The following CD58 variants were observed in gnomAD, a reference collection of about 807,000 sequenced individuals.
CD58 encodes CD58 molecule, also known as lymphocyte function-associated antigen 3.
CD58 carries 14 observed loss-of-function variants against 27.6 expected under a neutral mutation model. That is an observed-to-expected ratio of 0.51 (90% CI 0.34 to 0.79). The LOEUF (loss-of-function observed/expected upper bound fraction) is 0.79. Ranked by LOEUF, CD58 falls within the 30% of genes least tolerant of loss-of-function variation. CD58 has a pLI of 0.02. For synonymous variants in CD58, 117 were observed against 103.8 expected (o/e 1.13, Z -0.77); for missense variants, 268 against 301.7 (o/e 0.89, Z 0.83).
chr1:116,562,413 G>C (rs532828725), intron 1 of CD58, among the ~76,000 whole-genome samples: 1 of 152,236 alleles, frequency 6.6e-6, no homozygotes, highest in African/African-American at 2.4e-5. Context: ...CAAATTCCCA[G>C]ACTCAAGCAA....
rs981188921 is a variant in CD58 at position 116,517,054 on chromosome 1, C to T, written c.743+2177G>A. 1.7e-4 allele frequency among the ~76,000 whole-genome samples: 26 copies of T among 152,086 alleles called. No individual in the cohort carries two copies. The highest frequency in any genetic ancestry group is 6.0e-4 in the African/African-American group (25 of 41,406). ...TTCCAGAATGCCCATCCCCTTTCCC[C>T]GTGGCCCTGGATGATGCCCCCCTAC... On this transcript the variant is annotated intron_variant, in intron 5 of 5. Transcript: ENST00000369489. This position sits in a 1 kb window ranked among gnomAD's most constrained non-coding sequence, Gnocchi z 6.5.
chr1:116,530,927 G>T (rs542146282), intron 3 of CD58, among the ~76,000 whole-genome samples: 1 of 152,288 alleles, frequency 6.6e-6, no homozygotes, highest in East Asian at 1.9e-4. Context: ...ATATGTCTCA[G>T]ATGTCAACAC....
At position 116,516,663 on chromosome 1, in the gene CD58, C is replaced by T. The variant is rs1340415038; in HGVS notation, c.744-1841G>A. Among the ~76,000 whole-genome samples the T allele has an allele frequency of 6.6e-6, 1 of 152,204 alleles. No homozygotes were observed. The highest frequency in any genetic ancestry group is 1.5e-5 in the Non-Finnish European group (1 of 68,044). ...CACCTGGAATGCCTTTTCTACTCCA[C>T]TCTTGTTCTGAAAATGTAGGTCACA... is the stretch of plus-strand genomic sequence containing the variant. On this transcript the variant is annotated intron_variant, in intron 5 of 5. Coordinates refer to ENST00000369489, the MANE Select transcript of CD58 (RefSeq NM_001779.3). This position sits in a 1 kb window ranked among gnomAD's most constrained non-coding sequence, Gnocchi z 6.1.
chr1:116,559,950 T>C lies in CD58; in HGVS notation c.70+10953A>G, dbSNP rs1317415017. 4 of 153,998 alleles carry C rather than the reference T, an allele frequency of 2.6e-5. No homozygotes were observed. The highest frequency in any genetic ancestry group is 5.9e-5 in the Non-Finnish European group (4 of 68,010). 9.5% of individuals were successfully genotyped at this position (153,998 alleles called of 1,614,324 possible). On this transcript the variant is annotated intron_variant, in intron 1 of 5. Transcript: ENST00000369489. This position sits in a 1 kb window ranked among gnomAD's most constrained non-coding sequence, Gnocchi z 4.4. ...ATGGAGATGTGTTCTGAGTATCAAA[T>C]ACACACCAGAATCTGAAGACCTGGT...
intron 1 of CD58, among the ~76,000 whole-genome samples, chr1:116,548,807 C>T (rs1658284250): frequency 1.3e-5 from 2 of 152,296 alleles, no homozygotes; most frequent in East Asian, 1.9e-4. Flanking sequence ...AGTGACAAGA[C>T]ACCAAGAAAA....
rs1489371363 is a variant in CD58 at position 116,519,661 on chromosome 1, ATT to A, written c.707-396_707-395del. 6.6e-6 allele frequency among the ~76,000 whole-genome samples: 1 copy of A among 152,248 alleles called. No individual in the cohort carries two copies. The highest frequency in any genetic ancestry group is 1.5e-5 in the Non-Finnish European group (1 of 68,040). ...AGTAAAAAAAAATGTAAATTTTAAT[ATT>A]TTATTTAACACAATGTGTCACAAAT... On this transcript the variant is annotated intron_variant, in intron 4 of 5. Transcript: ENST00000369489. This position sits in a 1 kb window ranked among gnomAD's most constrained non-coding sequence, Gnocchi z 4.7.
chr1:116,570,930 T>C lies in CD58; in HGVS notation c.43A>G (p.Ser15Gly), dbSNP rs17426456. ...AAGCAGTGCAGCAGGCAGACCACGC[T>C]GAGGACCCCCAGGGCCCGCCCCGCG... is the stretch of plus-strand genomic sequence containing the variant. ...SDAGRALGVLSVVCLLHCFGF... is the reference protein window; with the variant it reads ...SDAGRALGVLGVVCLLHCFGF... The change falls in exon 1 of 6, where the codon AGC (serine) becomes GGC (glycine). Residue 15 changes from serine (S) to glycine (G), a missense_variant. Physicochemically the swap from Ser to Gly is moderately conservative, Grantham distance 56 (BLOSUM62 0). Coordinates refer to ENST00000369489, the MANE Select transcript of CD58 (RefSeq NM_001779.3). The surrounding 1 kb of genome is among the most constrained non-coding windows in gnomAD (Gnocchi z 6.4). 9.2e-3 allele frequency: 14,489 copies of C among 1,569,292 alleles called. 483 individuals carry two copies. Among genetic ancestry groups the C allele is most frequent in the African/African-American group, 0.087 (6,396 of 73,872 alleles).
rs1183850783 is a variant in CD58, at chr1:116,521,792, GT to G, written c.706+113del. 8.2e-6 allele frequency: 6 copies of G among 729,612 alleles called. No individual in the cohort carries two copies. The African/African-American group carries it at 1.1e-4, about 13-fold the overall frequency. The allele number at this position is 729,612 out of a possible 1,614,324, so 45.2% of individuals were successfully genotyped here. A position where few individuals can be genotyped will look rare whatever the true frequency, so the allele number is the denominator to read the frequency against. On this transcript the variant is annotated intron_variant, in intron 4 of 5. Coordinates refer to ENST00000369489, the MANE Select transcript of CD58 (RefSeq NM_001779.3). This position sits in a 1 kb window ranked among gnomAD's most constrained non-coding sequence, Gnocchi z 5.6. ...ACACACGTAAAGCAAAAAAGTTTTTGTTTCTTTTCAAATGTCTAAAATTTCA... is the reference window on the plus strand; with the variant it reads ...ACACACGTAAAGCAAAAAAGTTTTTGTTCTTTTCAAATGTCTAAAATTTCA...
rs1322999396 is a variant in CD58 at position 116,550,913 on chromosome 1, G to A, written c.71-6309C>T. On this transcript the variant is annotated intron_variant, in intron 1 of 5. Transcript: ENST00000369489. This position sits in a 1 kb window ranked among gnomAD's most constrained non-coding sequence, Gnocchi z 4.2. ...CTTGTACATCTCCATCAGAGCTCTT[G>A]GGTGATTAGGTGCATTGTCAACAAG... Among the ~76,000 whole-genome samples, 1 of 152,070 alleles carries A rather than the reference G, an allele frequency of 6.6e-6. No individual in the cohort carries two copies.
rs527863527 is a variant in CD58 at position 116,516,627 on chromosome 1, G to T, written c.744-1805C>A. 6.6e-6 allele frequency among the ~76,000 whole-genome samples: 1 copy of T among 152,040 alleles called. No individual in the cohort carries two copies. Among genetic ancestry groups the T allele is most frequent in the South Asian group, 2.1e-4 (1 of 4,826 alleles). On this transcript the variant is annotated intron_variant, in intron 5 of 5. Coordinates refer to ENST00000369489, the MANE Select transcript of CD58 (RefSeq NM_001779.3). This position sits in a 1 kb window ranked among gnomAD's most constrained non-coding sequence, Gnocchi z 6.1. Reference sequence around the variant, plus strand: ...AATTCCCTCTCATGTATTTGCCTCCGCTGTTTATCCCACCTGGAATGCCTT... The same window carrying T: ...AATTCCCTCTCATGTATTTGCCTCCTCTGTTTATCCCACCTGGAATGCCTT...
rs58345993 is a variant in CD58, at chr1:116,563,037, G to A, written c.70+7866C>T. Among the ~76,000 whole-genome samples the A allele has an allele frequency of 0.076, 11,605 of 152,148 alleles. 1,450 individuals carry two copies. Among genetic ancestry groups the A allele is most frequent in the African/African-American group, 0.26 (10,777 of 41,476 alleles). On this transcript the variant is annotated intron_variant, in intron 1 of 5. Coordinates refer to ENST00000369489, the MANE Select transcript of CD58 (RefSeq NM_001779.3). The surrounding 1 kb of genome is among the most constrained non-coding windows in gnomAD (Gnocchi z 4.1). ...CCACCTATGAGCCTGTAAAATCAAA[G>A]GCAAGTTAGTTACTTCCTAGATACA...
rs549688483 is a variant in CD58 at position 116,570,958 on chromosome 1, G to T, written c.15C>A (p.Ser5Arg). Residue 5 changes from serine (S) to arginine (R), a missense_variant, in exon 1 of 6, where the codon AGC (serine) becomes AGA (arginine). Physicochemically the swap from Ser to Arg is moderately radical, Grantham distance 110. Coordinates refer to ENST00000369489, the MANE Select transcript of CD58 (RefSeq NM_001779.3). This position sits in a 1 kb window ranked among gnomAD's most constrained non-coding sequence, Gnocchi z 6.4. ...GGACCCCCAGGGCCCGCCCCGCGTC[G>T]CTCCCAGCAACCATGGCTCGTCGGG... MVAGSDAGRALGVLS... is the reference protein window; with the variant it reads MVAGRDAGRALGVLS... 13 of 1,561,618 alleles carry T rather than the reference G, an allele frequency of 8.3e-6. No individual in the cohort carries two copies. Among genetic ancestry groups the T allele is most frequent in the Middle Eastern group, 1.7e-4 (1 of 5,934 alleles).
chr1:116,545,523 G>T (rs1658139286), intron 1 of CD58, among the ~76,000 whole-genome samples: 1 of 152,168 alleles, frequency 6.6e-6, no homozygotes, highest in African/African-American at 2.4e-5. Context: ...CAGTGATGAG[G>T]GTGGGGGAAG....
chr1:116,537,688 A>G (rs892434378), intron 2 of CD58, among the ~76,000 whole-genome samples: 5 of 152,230 alleles, frequency 3.3e-5, no homozygotes, highest in African/African-American at 9.6e-5. Flanking sequence ...GTTGCCCTTT[A>G]AAAGCCTCAA....
At chr1:116,535,757 C>T (rs1168927441) in intron 3 of CD58, among the ~76,000 whole-genome samples, 4 of 101,702 alleles carry the variant, frequency 3.9e-5, no homozygotes, top group Non-Finnish European at 3.5e-5. Flanking sequence ...AGGAGAATGG[C>T]GTGAACCCAG....
chr1:116,535,344 C>A (rs1336255715), intron 3 of CD58, among the ~76,000 whole-genome samples: 1 of 152,218 alleles, frequency 6.6e-6, no homozygotes, highest in Non-Finnish European at 1.5e-5. Context: ...CACTTACTAG[C>A]TGTTACCTTG....
At position 116,550,094 on chromosome 1, in the gene CD58, G is replaced by C. The variant is rs952567480; in HGVS notation, c.71-5490C>G. On this transcript the variant is annotated intron_variant, in intron 1 of 5. Transcript: ENST00000369489. The surrounding 1 kb of genome is among the most constrained non-coding windows in gnomAD (Gnocchi z 4.2). ...AGTCCTAATATTTTTGCTGGTGAAA[G>C]GTCTTGCCTCAATGTTGATGGCTGC... 6.6e-5 allele frequency among the ~76,000 whole-genome samples: 10 copies of C among 152,122 alleles called. No individual in the cohort carries two copies. Among genetic ancestry groups the C allele is most frequent in the African/African-American group, 2.4e-4 (10 of 41,426 alleles).
rs142073474 is a variant in CD58, at chr1:116,519,207, G to A, written c.743+24C>T. ...AGGGCTGCTGTTGTTCTGGCACAGAGTGCACAGCCTGCAGTGTACTTACTT... is the reference window on the plus strand; with the variant it reads ...AGGGCTGCTGTTGTTCTGGCACAGAATGCACAGCCTGCAGTGTACTTACTT... On this transcript the variant is annotated intron_variant, in intron 5 of 5. Coordinates refer to ENST00000369489, the MANE Select transcript of CD58 (RefSeq NM_001779.3). The surrounding 1 kb of genome is among the most constrained non-coding windows in gnomAD (Gnocchi z 4.7). 2.5e-6 allele frequency: 4 copies of A among 1,612,246 alleles called. No homozygotes were observed. The highest frequency in any genetic ancestry group is 1.3e-5 in the African/African-American group (1 of 75,014).
rs532654114 is a variant in CD58, at chr1:116,570,738, C to A, written c.70+165G>T. On this transcript the variant is annotated intron_variant, in intron 1 of 5. Transcript: ENST00000369489. This position sits in a 1 kb window ranked among gnomAD's most constrained non-coding sequence, Gnocchi z 6.4. ...ACACTGGCGATGAAATAACAACTTT[C>A]TCTTCCTGAAAAGGCTCCCACGGCT... Among the ~76,000 whole-genome samples, 1 of 152,260 alleles carries A rather than the reference C, an allele frequency of 6.6e-6. No individual in the cohort carries two copies. Among genetic ancestry groups the A allele is most frequent in the South Asian group, 2.1e-4 (1 of 4,824 alleles).
Sources: allele counts gnomAD v4.1 joint callset (sites outside exome capture counted in the v4.1 genomes callset), GRCh38; gene constraint gnomAD v4.1.1; non-coding constraint Gnocchi (gnomAD v3.1); transcripts MANE v1.5; gene names NCBI Gene and HGNC (gene_info 2026-07-23, HGNC 2026-07-21).